The following EXOC3 variants were observed in gnomAD, a reference collection of about 807,000 sequenced individuals.
EXOC3 encodes exocyst complex component 3.
In EXOC3, 21 loss-of-function variants were observed where a neutral mutation model predicts 73.7. The ratio of observed to expected loss-of-function variants is 0.29; its 90% CI spans 0.20 to 0.41. The LOEUF (loss-of-function observed/expected upper bound fraction) is 0.41. EXOC3 is among the 10% of genes least tolerant of loss of function. EXOC3 has a pLI of 1.00. For missense variants in EXOC3, 842 were observed against 985.1 expected (o/e 0.85, Z 1.95); for synonymous variants, 410 against 389.1 (o/e 1.05, Z -0.63).
At chr5:445,696 C>A (rs1737487350) in intron 1 of EXOC3, among the ~76,000 whole-genome samples, 1 of 152,172 alleles carries the variant, frequency 6.6e-6, no homozygotes, top group Admixed American at 6.5e-5. Context: ...GGGGCTTGTG[C>A]TGGGCCTCCA....
chr5:453,608 T>C lies in EXOC3; in HGVS notation c.603T>C (p.Thr201=). 8 of 1,613,974 alleles carry C rather than the reference T, an allele frequency of 5.0e-6. No individual in the cohort carries two copies. Among genetic ancestry groups the C allele is most frequent in the Non-Finnish European group, 6.8e-6 (8 of 1,179,858 alleles). ...LWMVLQRSLV[T]VRRDPTLLVS... ...TGGTGCTGCAGAGGTCACTGGTCACTGTCCGCCGTGACCCCACCTTGCTGG... is the reference window on the plus strand; with the variant it reads ...TGGTGCTGCAGAGGTCACTGGTCACCGTCCGCCGTGACCCCACCTTGCTGG... Residue 201 remains threonine, a synonymous_variant, in exon 4 of 13, where the codon ACT becomes ACC. Coordinates refer to ENST00000512944, the MANE Select transcript of EXOC3 (RefSeq NM_007277.5).
At chr5:448,259 T>G (rs1446538238) in intron 3 of EXOC3, among the ~76,000 whole-genome samples, 1 of 152,154 alleles carries the variant, frequency 6.6e-6, no homozygotes, top group Admixed American at 6.5e-5. Flanking sequence ...AGTGACCCTT[T>G]CAGTCTTCTC....
In EXOC3 at chr5:459,381, T is replaced by C. The variant is rs765925516; in HGVS notation, c.1313T>C (p.Val438Ala). 9 of 1,563,304 alleles carry C rather than the reference T, an allele frequency of 5.8e-6. No individual in the cohort carries two copies. The highest frequency in any genetic ancestry group is 7.8e-6 in the Non-Finnish European group (9 of 1,148,940). The change falls in exon 7 of 13, where the codon GTT becomes GCT. Residue 438 changes from valine (V) to alanine (A), a missense_variant. Coordinates refer to ENST00000512944, the MANE Select transcript of EXOC3 (RefSeq NM_007277.5). ...TAGATGTTTGAACAGAATCTTCAAG[T>C]TGCTGCTCAGATAAGTGAAGATTTG... Reference protein sequence around the residue: ...VFQMFEQNLQVAAQISEDLKT... With the variant: ...VFQMFEQNLQAAAQISEDLKT...
Position 443,276 on chromosome 5 carries a change from G to GCGTAGC in EXOC3, c.-65_-60dup, listed in dbSNP as rs1365282779. 7.0e-6 allele frequency: 1 copy of GCGTAGC among 142,680 alleles called. No homozygotes were observed. Among genetic ancestry groups the GCGTAGC allele is most frequent in the Non-Finnish European group, 1.5e-5 (1 of 66,374 alleles). 8.8% of individuals were successfully genotyped at this position (142,680 alleles called of 1,614,324 possible). A position where few individuals can be genotyped will look rare whatever the true frequency, so the allele number is the denominator to read the frequency against. On this transcript the variant is annotated 5_prime_UTR_variant, in exon 1 of 13. Transcript: ENST00000512944. Reference sequence around the variant, plus strand: ...GGCGGCGGCGGCGGCGGCGGCGGCGGCGTAGCCGTAGAGGGTGAGTCGGTG... The same window carrying GCGTAGC: ...GGCGGCGGCGGCGGCGGCGGCGGCGGCGTAGCCGTAGCCGTAGAGGGTGAGTCGGTG...
At chr5:463,460 C>G (rs1042871339) in intron 9 of EXOC3, among the ~76,000 whole-genome samples, 1 of 152,210 alleles carries the variant, frequency 6.6e-6, no homozygotes, top group Non-Finnish European at 1.5e-5. Flanking sequence ...TCAACAGGAC[C>G]TGCTGCTCAG....
chr5:463,766 T>C (rs1414190996), intron 9 of EXOC3, among the ~76,000 whole-genome samples: 1 of 152,258 alleles, frequency 6.6e-6, no homozygotes, highest in Non-Finnish European at 1.5e-5. Flanking sequence ...ATCAGAATTA[T>C]ACAGATTCAC....
chr5:460,521 A>G (rs915135779), intron 7 of EXOC3, among the ~76,000 whole-genome samples: 6 of 152,186 alleles, frequency 3.9e-5, no homozygotes, highest in African/African-American at 1.4e-4. Context: ...GTAATGCCCA[A>G]GTCCCCACTG....
intron 7 of EXOC3, 159 bp downstream of exon 7, chr5:459,618 C>T (rs956319477): frequency 8.7e-5 from 44 of 503,566 alleles, no homozygotes; most frequent in Non-Finnish European, 1.4e-4. Context: ...AGGGAGGGAG[C>T]GGAGCTTCTG....
At chr5:453,263 C>G in intron 3 of EXOC3, 107 bp from the exon 4 acceptor site, 1 of 753,742 alleles carries the variant, frequency 1.3e-6, no homozygotes. Flanking sequence ...TTGTTGTTAG[C>G]TAGGGAGATG....
intron 4 of EXOC3, among the ~76,000 whole-genome samples, 162 bp from the exon 5 acceptor site, chr5:456,727 G>A (rs1490114429): frequency 1.3e-5 from 2 of 152,158 alleles, no homozygotes; most frequent in African/African-American, 4.8e-5. Context: ...CAAAGCCCTC[G>A]GCCCCTGCCC....
chr5:463,422 C>T (rs1445835908), intron 9 of EXOC3, among the ~76,000 whole-genome samples: 1 of 152,176 alleles, frequency 6.6e-6, no homozygotes, highest in African/African-American at 2.4e-5. Context: ...AACTAGACGC[C>T]CGATCTTATC....
Position 449,182 on chromosome 5 carries a change from C to T in EXOC3, c.364+1430C>T, listed in dbSNP as rs924294985. 4.6e-5 allele frequency among the ~76,000 whole-genome samples: 7 copies of T among 152,140 alleles called. No individual in the cohort carries two copies. In the South Asian group the frequency reaches 6.2e-4, roughly 13 times the overall value. On this transcript the variant is annotated intron_variant, in intron 3 of 12. Transcript: ENST00000512944. ...TGCGTGGTATGCATGTTTTTTGTTA[C>T]GGATAAATTTTCATTGAGAAGATTG...
Position 465,285 on chromosome 5 carries a change from C to G in EXOC3, c.1938+13C>G. On this transcript the variant is annotated intron_variant, in intron 11 of 12. Transcript: ENST00000512944. ...GAAGCTGGCGTCCGTGAGTGTCGCGCAGGTCCGGGCTGGAGAAGGCCTGTC... is the reference window on the plus strand; with the variant it reads ...GAAGCTGGCGTCCGTGAGTGTCGCGGAGGTCCGGGCTGGAGAAGGCCTGTC... 1 of 1,569,010 alleles carries G rather than the reference C, an allele frequency of 6.4e-7. No homozygotes were observed. The highest frequency in any genetic ancestry group is 8.6e-7 in the Non-Finnish European group (1 of 1,157,990).
intron 10 of EXOC3, 156 bp downstream of exon 10, chr5:464,568 T>G: frequency 1.4e-6 from 1 of 708,714 alleles, no homozygotes. Flanking sequence ...GGACGCCACC[T>G]CCCTGGGACG....
Position 453,773 on chromosome 5 carries a change from G to A in EXOC3, c.768G>A (p.Val256=), listed in dbSNP as rs62001019. The stretch of plus-strand genomic sequence containing the variant: ...TGTTCACCATCTTGGAGAGGACTGT[G>A]ACCACCAGAATTGAGGGCACACAGG... The part of the protein sequence containing the change: ...EKMFTILERT[V]TTRIEGTQAD... The change falls in exon 4 of 13, where the codon GTG becomes GTA. Residue 256 remains valine (V), a synonymous_variant. Coordinates refer to ENST00000512944, the MANE Select transcript of EXOC3 (RefSeq NM_007277.5). 4.0e-3 allele frequency: 6,473 copies of A among 1,613,936 alleles called. 191 individuals are homozygous for A. In the African/African-American group the frequency reaches 0.068, roughly 17 times the overall value.
chr5:458,554 A>C (rs1442005522), intron 6 of EXOC3, among the ~76,000 whole-genome samples: 1 of 152,140 alleles, frequency 6.6e-6, no homozygotes, highest in African/African-American at 2.4e-5. Flanking sequence ...TTAAGGTTCT[A>C]AGTATTAGAC....
chr5:446,504 CT>C (rs1737513521), intron 2 of EXOC3, among the ~76,000 whole-genome samples, 155 bp downstream of exon 2: 1 of 152,210 alleles, frequency 6.6e-6, no homozygotes, highest in Non-Finnish European at 1.5e-5. Context: ...TGTATTACCA[CT>C]CAGTAGCTTT....
chr5:444,501 C>T (rs1213278778), intron 1 of EXOC3, among the ~76,000 whole-genome samples: 4 of 152,188 alleles, frequency 2.6e-5, no homozygotes, highest in African/African-American at 9.7e-5. Context: ...GGGTTATTAT[C>T]CAGCCCTATA....
intron 9 of EXOC3, 194 bp downstream of exon 9, chr5:462,501 T>C: frequency 3.4e-6 from 2 of 595,844 alleles, no homozygotes; most frequent in Non-Finnish European, 6.0e-6. Context: ...GCAGGGTCCT[T>C]CTTACGCACA....
Sources: gnomAD v4.1 joint callset for allele counts (sites outside exome capture counted in the v4.1 genomes callset) on GRCh38, gnomAD v4.1.1 for gene constraint, MANE v1.5 for transcripts, NCBI Gene and HGNC (gene_info 2026-07-23, HGNC 2026-07-21) for gene names.